ADAMTSL1: variants seen among roughly 807,000 people sequenced by gnomAD.
ADAMTSL1 encodes ADAMTS like 1.
In ADAMTSL1, 126 loss-of-function variants were observed where a neutral mutation model predicts 201.8. That is an observed-to-expected ratio of 0.62 (90% CI 0.54 to 0.72). ADAMTSL1 has a LOEUF of 0.72. Among genes scored for constraint, ADAMTSL1 ranks in the 30% least tolerant of loss-of-function variants. The pLI, the probability that ADAMTSL1 is intolerant of heterozygous loss-of-function variation, is 0.00. For synonymous variants in ADAMTSL1, 1,121 were observed against 903.4 expected, an observed-to-expected ratio of 1.24 and a Z score of -4.32; for missense variants, 2,679 against 2,277.8, an observed-to-expected ratio of 1.18 and a Z score of -3.59.
chr9:18,461,043 A>C (rs1313771847), intron 2 of ADAMTSL1, among the ~76,000 whole-genome samples: 1 of 152,210 alleles, frequency 6.6e-6, no homozygotes, highest in Admixed American at 6.5e-5. Flanking sequence ...ATTTTTAACA[A>C]ATGTAACTTT....
chr9:18,432,725 C>G (rs1195733296), intron 2 of ADAMTSL1, among the ~76,000 whole-genome samples: 4 of 152,110 alleles, frequency 2.6e-5, no homozygotes, highest in Non-Finnish European at 5.9e-5. Context: ...ATCATTAGTA[C>G]CGGCTCTGAA....
intron 2 of ADAMTSL1, among the ~76,000 whole-genome samples, chr9:18,336,117 C>A (rs1244073440): frequency 6.6e-6 from 1 of 152,148 alleles, no homozygotes; most frequent in Non-Finnish European, 1.5e-5. Context: ...TATCCCAAAA[C>A]TTATGCCATT....
At chr9:17,924,489 C>T (rs905206252) in intron 1 of ADAMTSL1, among the ~76,000 whole-genome samples, 1 of 151,770 alleles carries the variant, frequency 6.6e-6, no homozygotes, top group African/African-American at 2.4e-5. Flanking sequence ...CAGCATGGTA[C>T]TGGTACCAAA....
chr9:18,833,746 A>G (rs1226189313), intron 23 of ADAMTSL1, among the ~76,000 whole-genome samples: 2 of 152,072 alleles, frequency 1.3e-5, no homozygotes, highest in Admixed American at 1.3e-4. Context: ...TGGTGTCTTC[A>G]TCATGAAACC....
intron 2 of ADAMTSL1, among the ~76,000 whole-genome samples, chr9:18,429,052 A>AT (rs1160395142): frequency 6.6e-6 from 1 of 152,256 alleles, no homozygotes; most frequent in African/African-American, 2.4e-5. Context: ...GAATTATAGC[A>AT]TTTTTACAAA....
chr9:17,986,749 C>G (rs1461583601), intron 1 of ADAMTSL1, among the ~76,000 whole-genome samples: 1 of 152,022 alleles, frequency 6.6e-6, no homozygotes, highest in African/African-American at 2.4e-5. Context: ...ATTTTAAACT[C>G]CAGGTGTGTA....
At chr9:18,158,477 C>G (rs995489934) in intron 1 of ADAMTSL1, among the ~76,000 whole-genome samples, 3 of 151,826 alleles carry the variant, frequency 2.0e-5, no homozygotes, top group African/African-American at 7.3e-5. Flanking sequence ...TGAATCCCAT[C>G]CCCACCTTGA....
At position 18,839,807 on chromosome 9, in the gene ADAMTSL1, G is replaced by A. The variant is rs551718304; in HGVS notation, c.4249+9830G>A. ...CCAGTGATGGTGAGCATTTTTTCAT[G>A]TGTTTTTTGGCTGCATAAATGTCTT... On this transcript the variant is annotated intron_variant, in intron 23 of 28. Coordinates refer to ENST00000380548, the MANE Select transcript of ADAMTSL1 (RefSeq NM_001040272.6). 1.3e-4 allele frequency among the ~76,000 whole-genome samples: 19 copies of A among 151,782 alleles called. No homozygotes were observed. In the East Asian group the frequency reaches 2.1e-3, roughly 17 times the overall value.
intron 2 of ADAMTSL1, among the ~76,000 whole-genome samples, chr9:18,183,176 A>G (rs968857334): frequency 1.3e-5 from 2 of 152,230 alleles, no homozygotes; most frequent in African/African-American, 4.8e-5. Flanking sequence ...CTGGATGTCC[A>G]CATGCAAAAA....
At chr9:18,524,491 G>C (rs1261440529) in intron 2 of ADAMTSL1, among the ~76,000 whole-genome samples, 1 of 152,140 alleles carries the variant, frequency 6.6e-6, no homozygotes, top group African/African-American at 2.4e-5. Context: ...AATAGGAGTG[G>C]TGAGAGAGGG....
intron 17 of ADAMTSL1, among the ~76,000 whole-genome samples, chr9:18,773,842 C>G (rs1820832633): frequency 6.6e-6 from 1 of 152,188 alleles, no homozygotes; most frequent in Non-Finnish European, 1.5e-5. Flanking sequence ...TTCTTACTTC[C>G]ATCCCACCTG....
intron 15 of ADAMTSL1, among the ~76,000 whole-genome samples, chr9:18,735,738 A>ACTCTTTTT (rs1818460295): frequency 1.1e-5 from 1 of 92,248 alleles, no homozygotes; most frequent in African/African-American, 5.0e-5. Context: ...GTCAGACGGC[A>ACTCTTTTT]TTCTTTTTTC....
At chr9:18,460,277 A>G (rs1370616258) in intron 2 of ADAMTSL1, among the ~76,000 whole-genome samples, 1 of 152,206 alleles carries the variant, frequency 6.6e-6, no homozygotes, top group Non-Finnish European at 1.5e-5. Context: ...ACCGTATCTT[A>G]TTTATAAATC....
intron 23 of ADAMTSL1, among the ~76,000 whole-genome samples, chr9:18,880,053 A>C (rs1828432012): frequency 6.6e-6 from 1 of 152,132 alleles, no homozygotes; most frequent in Non-Finnish European, 1.5e-5. Context: ...CATCCATTCA[A>C]GTTTTATTAT....
chr9:18,523,399 C>T (rs557705718), intron 2 of ADAMTSL1, among the ~76,000 whole-genome samples: 3 of 152,242 alleles, frequency 2.0e-5, no homozygotes, highest in African/African-American at 4.8e-5. Flanking sequence ...GTTGCCTGTT[C>T]ACTATGATGG....
intron 4 of ADAMTSL1, among the ~76,000 whole-genome samples, chr9:18,600,298 C>T (rs902515262): frequency 3.3e-5 from 5 of 152,146 alleles, no homozygotes; most frequent in Non-Finnish European, 5.9e-5. Context: ...GCCAGACACT[C>T]CCAAGTACTT....
In ADAMTSL1 at chr9:18,356,799, A is replaced by T. The variant is rs528475014; in HGVS notation, c.208-148030A>T. Reference sequence around the variant, plus strand: ...AATGAAGATTTAGAACAAACTGCTGACTAGCTTCATAGAAAAAGAAAGTGC... The same window carrying T: ...AATGAAGATTTAGAACAAACTGCTGTCTAGCTTCATAGAAAAAGAAAGTGC... On this transcript the variant is annotated intron_variant, in intron 2 of 29. Coordinates refer to the ADAMTSL1 transcript ENST00000680146. Among the ~76,000 whole-genome samples the T allele has an allele frequency of 4.6e-5, 7 of 152,338 alleles. No homozygotes were observed. The South Asian group carries it at 1.5e-3, about 32-fold the overall frequency.
chr9:18,793,994 C>T (rs574729870), intron 19 of ADAMTSL1, among the ~76,000 whole-genome samples: 26 of 151,584 alleles, frequency 1.7e-4, no homozygotes, highest in African/African-American at 6.3e-4. Context: ...ACTGTAGGCA[C>T]TCACAGTTTG....
chr9:18,009,232 TTTC>T (rs2131551889), intron 1 of ADAMTSL1, among the ~76,000 whole-genome samples: 1 of 152,164 alleles, frequency 6.6e-6, no homozygotes, highest in South Asian at 2.1e-4. Flanking sequence ...CATCTTCCTA[TTTC>T]TTCTTCTGTC....
Sources: allele counts gnomAD v4.1 joint callset (sites outside exome capture counted in the v4.1 genomes callset), GRCh38; gene constraint gnomAD v4.1.1; transcripts MANE v1.5; gene names NCBI Gene and HGNC (gene_info 2026-07-23, HGNC 2026-07-21).